The following PSD3 variants were observed in gnomAD, a reference collection of about 807,000 sequenced individuals.
PSD3 encodes the protein pleckstrin and Sec7 domain containing 3.
A neutral mutation model predicts 105.5 loss-of-function variants in PSD3; 49 were observed. The ratio of observed to expected loss-of-function variants is 0.46; its 90% CI spans 0.37 to 0.59. PSD3 has a LOEUF of 0.59. Among genes scored for constraint, PSD3 ranks in the 20% least tolerant of loss-of-function variants. PSD3 has a pLI of 0.00. For synonymous variants in PSD3, 557 were observed against 457.8 expected, an observed-to-expected ratio of 1.22 and a Z score of -2.77; for missense variants, 1,561 against 1,263.8, an observed-to-expected ratio of 1.24 and a Z score of -3.57.
chr8:18,598,476 G>T (rs1280492069), intron 12 of PSD3, among the ~76,000 whole-genome samples: 3 of 151,758 alleles, frequency 2.0e-5, no homozygotes, highest in Non-Finnish European at 2.9e-5. Context: ...TTATCCTTGG[G>T]ATGTAAAGGT....
chr8:18,717,629 C>A (rs1221433240), intron 9 of PSD3, among the ~76,000 whole-genome samples: 1 of 152,056 alleles, frequency 6.6e-6, no homozygotes, highest in East Asian at 1.9e-4. Flanking sequence ...AATTTAATTT[C>A]TTTTACTTTC....
Position 18,922,787 on chromosome 8 carries a change from A to G in PSD3, c.130+13247T>C, listed in dbSNP as rs58997628. On this transcript the variant is annotated intron_variant, in intron 2 of 15. Coordinates refer to ENST00000327040, the MANE Select transcript of PSD3 (RefSeq NM_015310.4). ...CTAAATCAGCTCACAGAACACAGGGAACCACTTATGTTTACCAACTTCTGA... is the reference window on the plus strand; with the variant it reads ...CTAAATCAGCTCACAGAACACAGGGGACCACTTATGTTTACCAACTTCTGA... Among the ~76,000 whole-genome samples, 107 of 152,274 alleles carry G rather than the reference A, an allele frequency of 7.0e-4. No individual in the cohort carries two copies. The East Asian group carries it at 0.02, about 28-fold the overall frequency.
intron 9 of PSD3, among the ~76,000 whole-genome samples, chr8:18,685,542 G>A (rs950121300): frequency 1.4e-4 from 21 of 152,010 alleles, no homozygotes; most frequent in African/African-American, 4.6e-4. Context: ...ATTATTTTTG[G>A]AATAGGTTTT....
At chr8:18,634,494 C>A (rs73585858) in intron 10 of PSD3, among the ~76,000 whole-genome samples, 1 of 151,976 alleles carries the variant, frequency 6.6e-6, no homozygotes, top group South Asian at 2.1e-4. Flanking sequence ...GAATTAAACT[C>A]GGCTTCATTT....
intron 1 of PSD3, among the ~76,000 whole-genome samples, chr8:19,022,897 T>C (rs148046609): frequency 1.9e-4 from 29 of 151,180 alleles, no homozygotes; most frequent in Non-Finnish European, 3.8e-4. Flanking sequence ...ATGGGGTAGA[T>C]GTTGTCCCAA....
At chr8:18,965,132 A>G (rs1824160498) in intron 1 of PSD3, among the ~76,000 whole-genome samples, 1 of 152,184 alleles carries the variant, frequency 6.6e-6, no homozygotes, top group African/African-American at 2.4e-5. Flanking sequence ...TATTTCTCCC[A>G]TCTCATTTCC....
chr8:18,761,806 G>A (rs1234979806), intron 9 of PSD3, among the ~76,000 whole-genome samples: 1 of 152,150 alleles, frequency 6.6e-6, no homozygotes, highest in Non-Finnish European at 1.5e-5. Flanking sequence ...TCCAACCGCT[G>A]GGATGGGTGG....
intron 9 of PSD3, among the ~76,000 whole-genome samples, chr8:18,677,880 G>T (rs1442368943): frequency 6.6e-6 from 1 of 151,864 alleles, no homozygotes; most frequent in Non-Finnish European, 1.5e-5. Context: ...CGTGGTGGCG[G>T]GTGCCTGTAG....
At chr8:18,824,869 T>C (rs762363661) in intron 4 of PSD3, among the ~76,000 whole-genome samples, 8 of 152,304 alleles carry the variant, frequency 5.3e-5, no homozygotes, top group Middle Eastern at 6.8e-3. Context: ...AGCATCATCC[T>C]TTTAGTCAAG....
chr8:18,595,288 A>G (rs1228483855), intron 12 of PSD3, among the ~76,000 whole-genome samples: 1 of 151,844 alleles, frequency 6.6e-6, no homozygotes, highest in African/African-American at 2.4e-5. Context: ...TTACAAAAAA[A>G]AAAAAAAAGG....
chr8:18,979,171 G>C (rs55694142), intron 1 of PSD3, among the ~76,000 whole-genome samples: 2 of 121,418 alleles, frequency 1.6e-5, no homozygotes, highest in Admixed American at 8.6e-5. Flanking sequence ...CCAAGACACT[G>C]GGGGGCGGCC....
chr8:18,961,678 G>A (rs1360749396), intron 1 of PSD3, among the ~76,000 whole-genome samples: 6 of 152,154 alleles, frequency 3.9e-5, no homozygotes, highest in East Asian at 3.9e-4. Flanking sequence ...GTGACAGAGC[G>A]AGACTCTGCC....
chr8:18,770,559 A>G (rs1439944817), intron 8 of PSD3, among the ~76,000 whole-genome samples: 1 of 152,034 alleles, frequency 6.6e-6, no homozygotes, highest in Non-Finnish European at 1.5e-5. Context: ...GCTGTGTTCC[A>G]CCCCTTGCTG....
rs73666711 is a variant in PSD3, at chr8:18,765,662, C to G, written c.2083-124G>C. 7,248 of 813,382 alleles carry G rather than the reference C, an allele frequency of 8.9e-3. 200 individuals carry two copies. Among genetic ancestry groups the G allele is most frequent in the African/African-American group, 0.074 (4,370 of 59,178 alleles). The allele number at this position is 813,382 out of a possible 1,614,324, so 50.4% of individuals were successfully genotyped here. On this transcript the variant is annotated intron_variant, in intron 8 of 15. Transcript: ENST00000327040. ...CATAACTAGGCCAGGTGCGGTGGCT[C>G]ACGCCTGTAACTTCCACACTTTGGG...
chr8:18,750,866 G>A (rs1308480497), intron 9 of PSD3, among the ~76,000 whole-genome samples: 4 of 152,142 alleles, frequency 2.6e-5, no homozygotes, highest in Admixed American at 6.5e-5. Flanking sequence ...GCTGATTGGT[G>A]TATTTACAAA....
chr8:18,589,776 A>G (rs932788687), intron 12 of PSD3, among the ~76,000 whole-genome samples: 2 of 152,158 alleles, frequency 1.3e-5, no homozygotes. Context: ...AGCAGAAACA[A>G]AAAGAAAAGA....
At chr8:19,040,228 G>A (rs533037095) in intron 1 of PSD3, among the ~76,000 whole-genome samples, 3 of 152,182 alleles carry the variant, frequency 2.0e-5, no homozygotes, top group African/African-American at 7.2e-5. Flanking sequence ...TTTGAGACAG[G>A]GTCTCGTTTT....
intron 12 of PSD3, among the ~76,000 whole-genome samples, chr8:18,591,453 T>G (rs1803598134): frequency 6.6e-6 from 1 of 152,140 alleles, no homozygotes; most frequent in Admixed American, 6.6e-5. Flanking sequence ...GAAAAGGTGG[T>G]CAACCTGAAG....
intron 15 of PSD3, 24 bp downstream of exon 15, chr8:18,556,185 T>C: frequency 6.2e-7 from 1 of 1,611,016 alleles, no homozygotes; most frequent in South Asian, 1.1e-5. Context: ...AATCAGCATT[T>C]ACTAACATTT....
Sources: gnomAD v4.1 joint callset for allele counts (sites outside exome capture counted in the v4.1 genomes callset) on GRCh38, gnomAD v4.1.1 for gene constraint, MANE v1.5 for transcripts, NCBI Gene and HGNC (gene_info 2026-07-23, HGNC 2026-07-21) for gene names.